CIITA: variants seen among roughly 807,000 people sequenced by gnomAD.
CIITA encodes the protein class II major histocompatibility complex transactivator.
A neutral mutation model predicts 115.1 loss-of-function variants in CIITA; 72 were observed. The observed-to-expected ratio is 0.63, with a 90% CI of 0.52 to 0.76. The LOEUF (loss-of-function observed/expected upper bound fraction) is 0.76, where lower values mean the gene tolerates loss of function less well. CIITA is among the 30% of genes least tolerant of loss of function. CIITA has a pLI of 0.00. For missense variants in CIITA, 1,617 were observed against 1,463.8 expected, an observed-to-expected ratio of 1.10 and a Z score of -1.71; for synonymous variants, 763 against 635.6, an observed-to-expected ratio of 1.20 and a Z score of -3.02.
At chr16:10,876,706 A>G (rs2035870935), upstream of CIITA, among the ~76,000 whole-genome samples, 1 of 152,224 alleles carries the variant, frequency 6.6e-6, no homozygotes, top group African/African-American at 2.4e-5. Context: ...TTTTAGTCCA[A>G]TGTCTTGGGA....
intron 9 of CIITA, 44 bp downstream of exon 9, chr16:10,903,939 G>C: frequency 1.2e-6 from 2 of 1,612,586 alleles, no homozygotes; most frequent in East Asian, 4.5e-5. Context: ...AAGCAGGATC[G>C]AGGCCCTGGG....
rs2145359923 is a variant in CIITA, at chr16:10,932,790, C to T, written c.*8935C>T. The T allele has an allele frequency of 6.7e-6, 1 of 149,012 alleles. No individual in the cohort carries two copies. Among genetic ancestry groups the T allele is most frequent in the South Asian group, 2.1e-4 (1 of 4,752 alleles). 9.2% of individuals were successfully genotyped at this position (149,012 alleles called of 1,614,324 possible). On this transcript the variant is annotated 3_prime_UTR_variant, in exon 20 of 20. Coordinates refer to ENST00000324288, the MANE Select transcript of CIITA (RefSeq NM_000246.4). ...GGCTCACTGCAGTTCCAGGTTCAAG[C>T]AATTCTCATGCCTCAGCCTCCTGAG...
rs756065156 is a variant in CIITA at position 10,907,479 on chromosome 16, C to G, written c.1987C>G (p.Leu663Val). 6.2e-7 allele frequency: 1 copy of G among 1,613,760 alleles called. No individual in the cohort carries two copies. Among genetic ancestry groups the G allele is most frequent in the Non-Finnish European group, 8.5e-7 (1 of 1,179,976 alleles). Residue 663 changes from leucine to valine, a missense_variant, in exon 11 of 20, where the codon CTG becomes GTG. Leu to Val is a conservative substitution (Grantham distance 32). Transcript: ENST00000324288. This position sits in a 1 kb window ranked among gnomAD's most constrained non-coding sequence, Gnocchi z 5.0. ...CGGGGCCCTGGCAGAGCTGGCCAAG[C>G]TGGCCTGGGAGCTGGGCCGCAGACA... ...PPGALAELAK[L>V]AWELGRRHQS...
At position 10,925,246 on chromosome 16, in the gene CIITA, G is replaced by C. The variant is rs1461356408; in HGVS notation, c.*1391G>C. On this transcript the variant is annotated 3_prime_UTR_variant, in exon 20 of 20. Transcript: ENST00000324288. The stretch of plus-strand genomic sequence containing the variant: ...TGGAGGGTGTCCCAAAAAGAAAGGA[G>C]GGGATAGAGAGAGACCACTTTTCAT... The C allele has an allele frequency of 6.6e-6, 1 of 152,248 alleles. No homozygotes were observed. The highest frequency in any genetic ancestry group is 1.5e-5 in the Non-Finnish European group (1 of 68,074). 9.4% of individuals were successfully genotyped at this position (152,248 alleles called of 1,614,324 possible).
At chr16:10,916,047 G>A (rs1351920182) in intron 14 of CIITA, among the ~76,000 whole-genome samples, 3 of 152,212 alleles carry the variant, frequency 2.0e-5, no homozygotes, top group Admixed American at 2.0e-4. Flanking sequence ...AATTCAGCTG[G>A]GGAGGGATTG....
At chr16:10,882,645 C>T (rs1283778933) in intron 1 of CIITA, among the ~76,000 whole-genome samples, 1 of 151,994 alleles carries the variant, frequency 6.6e-6, no homozygotes, top group Non-Finnish European at 1.5e-5. Context: ...CACCTGTAAC[C>T]CCAGCACTTT....
At chr16:10,902,423 T>C (rs1289859883) in intron 7 of CIITA, among the ~76,000 whole-genome samples, 2 of 152,152 alleles carry the variant, frequency 1.3e-5, no homozygotes, top group African/African-American at 2.4e-5. Context: ...TCTCCACCAA[T>C]TAGAGCATTC....
intron 16 of CIITA, among the ~76,000 whole-genome samples, chr16:10,919,287 C>G (rs946327812): frequency 5.2e-5 from 7 of 135,140 alleles, no homozygotes; most frequent in African/African-American, 1.4e-4. Context: ...TCTGCCCCCC[C>G]CCAGGTTCAA....
At chr16:10,937,722 ACT>A (rs1321037691), downstream of CIITA, 1 of 152,092 alleles carries the variant, frequency 6.6e-6, no homozygotes, top group Non-Finnish European at 1.5e-5. The surrounding 1 kb of genome is among the most constrained non-coding windows in gnomAD (Gnocchi z 4.2). Context: ...GGACGTGAAG[ACT>A]CTCCCTGGCT....
rs2040618623 is a variant in CIITA, at chr16:10,928,283, A to G, written c.*4428A>G. On this transcript the variant is annotated 3_prime_UTR_variant, in exon 20 of 20. Transcript: ENST00000324288. ...ATTACTGCTTGTATTCCGTGAAACT[A>G]CAAGCTCCCAATTCCACTCATTTAA... is the stretch of plus-strand genomic sequence containing the variant. The G allele has an allele frequency of 6.6e-6, 1 of 152,206 alleles. No homozygotes were observed. Among genetic ancestry groups the G allele is most frequent in the Non-Finnish European group, 1.5e-5 (1 of 68,054 alleles). 9.4% of individuals were successfully genotyped at this position (152,206 alleles called of 1,614,324 possible).
chr16:10,901,993 G>A lies in CIITA; in HGVS notation c.482-45G>A, dbSNP rs6498124. On this transcript the variant is annotated intron_variant, in intron 6 of 19. Transcript: ENST00000324288. The surrounding 1 kb of genome is among the most constrained non-coding windows in gnomAD (Gnocchi z 6.8). ...CCAGGGCCCTCCCCATCCCAGGAAG[G>A]CCCCTCCAAGCACCCAGTCTCTAAC... is the stretch of plus-strand genomic sequence containing the variant. 1.2e-6 allele frequency: 2 copies of A among 1,611,676 alleles called. No homozygotes were observed. The highest frequency in any genetic ancestry group is 3.3e-5 in the Admixed American group (2 of 59,978).
In CIITA at chr16:10,930,883, C is replaced by T. The variant is rs1414656903; in HGVS notation, c.*7028C>T. On this transcript the variant is annotated 3_prime_UTR_variant, in exon 20 of 20. Coordinates refer to ENST00000324288, the MANE Select transcript of CIITA (RefSeq NM_000246.4). ...AATGTCTCTCCATAGCTGCCCTCCA[C>T]CAGCCTGCTCCTGAGACACCTGCTG... is the stretch of plus-strand genomic sequence containing the variant. The T allele has an allele frequency of 6.6e-6, 1 of 152,312 alleles. No individual in the cohort carries two copies. Among genetic ancestry groups the T allele is most frequent in the Non-Finnish European group, 1.5e-5 (1 of 68,110 alleles). 9.4% of individuals were successfully genotyped at this position (152,312 alleles called of 1,614,324 possible). A position where few individuals can be genotyped will look rare whatever the true frequency, so the allele number is the denominator to read the frequency against.
At chr16:10,914,814 T>A (rs887337016) in intron 13 of CIITA, among the ~76,000 whole-genome samples, 2 of 152,212 alleles carry the variant, frequency 1.3e-5, no homozygotes, top group Non-Finnish European at 2.9e-5. Flanking sequence ...CCCTGGCTTA[T>A]AATAAATGCT....
At position 10,901,666 on chromosome 16, in the gene CIITA, C is replaced by G; in HGVS notation, c.481+108C>G. 1 of 1,215,882 alleles carries G rather than the reference C, an allele frequency of 8.2e-7. No homozygotes were observed. Among genetic ancestry groups the G allele is most frequent in the South Asian group, 1.3e-5 (1 of 78,178 alleles). 75.3% of individuals were successfully genotyped at this position (1,215,882 alleles called of 1,614,324 possible). On this transcript the variant is annotated intron_variant, in intron 6 of 19. Coordinates refer to ENST00000324288, the MANE Select transcript of CIITA (RefSeq NM_000246.4). The surrounding 1 kb of genome is among the most constrained non-coding windows in gnomAD (Gnocchi z 6.8). ...CTGATGGGGATGGTGCATGGTGCAG[C>G]CCCTGCCCTTCTTTGGGTAGAGGCT... is the stretch of plus-strand genomic sequence containing the variant.
chr16:10,910,883 C>T (rs1161509479), intron 13 of CIITA, among the ~76,000 whole-genome samples: 1 of 152,216 alleles, frequency 6.6e-6, no homozygotes. Flanking sequence ...TTCCCAGGAG[C>T]TTTTGATGTG....
intron 13 of CIITA, among the ~76,000 whole-genome samples, chr16:10,914,444 A>G (rs1311168082): frequency 6.6e-6 from 1 of 152,202 alleles, no homozygotes; most frequent in Non-Finnish European, 1.5e-5. Flanking sequence ...ATGTTTATCA[A>G]GGATGCTCAT....
chr16:10,942,585 T>TTCGCTCCGCCCCTCGGGGCCCTAGCG lies in CIITA; in HGVS notation n.1714_1739dup, dbSNP rs1238745163. ...CCGGCCGCCAGGGGGCGGGTACCGCTTCGCTCCGCCCCTCGGGGCCCTAGC... is the reference window on the plus strand; with the variant it reads ...CCGGCCGCCAGGGGGCGGGTACCGCTTCGCTCCGCCCCTCGGGGCCCTAGCGTCGCTCCGCCCCTCGGGGCCCTAGC... On this transcript the variant is annotated non_coding_transcript_exon_variant, in exon 2 of 2. Coordinates refer to the CIITA transcript ENST00000573379. This position sits in a 1 kb window ranked among gnomAD's most constrained non-coding sequence, Gnocchi z 5.0. 2.0e-5 allele frequency: 3 copies of TTCGCTCCGCCCCTCGGGGCCCTAGCG among 152,268 alleles called. No homozygotes were observed. The highest frequency in any genetic ancestry group is 1.3e-4 in the Admixed American group (2 of 15,282). 9.4% of individuals were successfully genotyped at this position (152,268 alleles called of 1,614,324 possible).
chr16:10,938,145 T>C (rs2041054996), downstream of CIITA: 1 of 152,242 alleles, frequency 6.6e-6, no homozygotes, highest in Non-Finnish European at 1.5e-5. The surrounding 1 kb of genome is among the most constrained non-coding windows in gnomAD (Gnocchi z 4.9). Context: ...AAGTGCTTTA[T>C]GTATATCTCA....
chr16:10,905,748 C>T (rs1347503092), intron 10 of CIITA, among the ~76,000 whole-genome samples: 1 of 147,106 alleles, frequency 6.8e-6, no homozygotes, highest in Middle Eastern at 3.4e-3. Context: ...GGGCACAGGG[C>T]AGGATCCATC....
Sources: allele counts gnomAD v4.1 joint callset (sites outside exome capture counted in the v4.1 genomes callset), GRCh38; gene constraint gnomAD v4.1.1; non-coding constraint Gnocchi (gnomAD v3.1); transcripts MANE v1.5; gene names NCBI Gene and HGNC (gene_info 2026-07-23, HGNC 2026-07-21).